The following LMLN variants were observed in gnomAD, a reference collection of about 807,000 sequenced individuals.
LMLN encodes leishmanolysin like peptidase.
LMLN carries 70 observed loss-of-function variants against 92.3 expected under a neutral mutation model. That is an observed-to-expected ratio of 0.76 (90% CI 0.63 to 0.92). The LOEUF (loss-of-function observed/expected upper bound fraction) is 0.92. Ranked by LOEUF, LMLN falls within the 40% of genes least tolerant of loss-of-function variation. The probability of loss-of-function intolerance (pLI) is 0.00; values close to 1 mark genes in which losing one functional copy is unlikely to be tolerated. For synonymous variants in LMLN, 308 were observed against 296.2 expected, an observed-to-expected ratio of 1.04 and a Z score of -0.41; for missense variants, 691 against 814.6, an observed-to-expected ratio of 0.85 and a Z score of 1.85.
chr3:198,010,588 C>G (rs1269742532), intron 11 of LMLN, among the ~76,000 whole-genome samples: 1 of 152,110 alleles, frequency 6.6e-6, no homozygotes, highest in East Asian at 1.9e-4. Flanking sequence ...GTAGCTGGGA[C>G]TACAGGCACA....
intron 11 of LMLN, among the ~76,000 whole-genome samples, chr3:198,012,660 T>C (rs1378940365): frequency 2.6e-3 from 341 of 131,876 alleles, no homozygotes; most frequent in East Asian, 7.4e-3. Context: ...CCCTTCAGAG[T>C]CCCCTAACTA....
At chr3:197,977,679 A>G (rs1721431506) in intron 5 of LMLN, among the ~76,000 whole-genome samples, 1 of 152,110 alleles carries the variant, frequency 6.6e-6, no homozygotes, top group Admixed American at 6.5e-5. Context: ...GGAAGTATAC[A>G]CACGTTAAAT....
At chr3:197,997,864 G>A (rs1722071901) in intron 10 of LMLN, among the ~76,000 whole-genome samples, 1 of 152,156 alleles carries the variant, frequency 6.6e-6, no homozygotes, top group African/African-American at 2.4e-5. Context: ...CTGTGTTAAT[G>A]AACACAGTTC....
In LMLN at chr3:198,042,281, A is replaced by G. The variant is rs1723427819; in HGVS notation, c.*3614A>G. 1 of 152,082 alleles carries G rather than the reference A, an allele frequency of 6.6e-6. No individual in the cohort carries two copies. The highest frequency in any genetic ancestry group is 1.5e-5 in the Non-Finnish European group (1 of 68,042). The allele number at this position is 152,082 out of a possible 1,614,324, so 9.4% of individuals were successfully genotyped here. On this transcript the variant is annotated 3_prime_UTR_variant, in exon 16 of 16. Transcript: ENST00000330198. The surrounding 1 kb of genome is among the most constrained non-coding windows in gnomAD (Gnocchi z 4.2). ...GGTGACTGAAGCCTGTAATCTCAGC[A>G]CTTCGGGAGGCCAAGGCAAGCAGAT... is the stretch of plus-strand genomic sequence containing the variant.
chr3:198,022,270 A>G (rs1167689311), intron 13 of LMLN, among the ~76,000 whole-genome samples: 1 of 152,230 alleles, frequency 6.6e-6, no homozygotes, highest in Non-Finnish European at 1.5e-5. Flanking sequence ...AAGATATCAA[A>G]GGAATAAACA....
At position 198,025,287 on chromosome 3, in the gene LMLN, G is replaced by T. The variant is rs201997098; in HGVS notation, c.1656+499G>T. ...CTGTCTCCAAAAAATAAAGGAAAAA[G>T]AATAAATCAGTTGCTGATTAATAAT... On this transcript the variant is annotated intron_variant, in intron 14 of 15. Coordinates refer to ENST00000330198, the Ensembl canonical transcript of LMLN. The surrounding 1 kb of genome is among the most constrained non-coding windows in gnomAD (Gnocchi z 4.3). Among the ~76,000 whole-genome samples, 2 of 152,216 alleles carry T rather than the reference G, an allele frequency of 1.3e-5. No homozygotes were observed. The highest frequency in any genetic ancestry group is 4.8e-5 in the African/African-American group (2 of 41,446).
chr3:197,997,017 TTTC>T (rs1169705817), intron 10 of LMLN, among the ~76,000 whole-genome samples: 1 of 119,986 alleles, frequency 8.3e-6, no homozygotes, highest in East Asian at 2.1e-4. Context: ...TTTCTTTTCC[TTTC>T]TTTTCTTTTC....
intron 11 of LMLN, among the ~76,000 whole-genome samples, chr3:198,014,195 T>C (rs1722545652): frequency 6.7e-6 from 1 of 149,128 alleles, no homozygotes; most frequent in African/African-American, 2.5e-5. Context: ...CTAGTCTGAC[T>C]TCTCTGTACC....
At chr3:198,036,697 T>G (rs1159735771) in intron 15 of LMLN, among the ~76,000 whole-genome samples, 2 of 152,170 alleles carry the variant, frequency 1.3e-5, no homozygotes, top group African/African-American at 4.8e-5. Flanking sequence ...GAAGAACGCC[T>G]TCCCCATGAA....
At chr3:197,981,866 G>A (rs1354464873) in intron 6 of LMLN, among the ~76,000 whole-genome samples, 12 of 150,514 alleles carry the variant, frequency 8.0e-5, no homozygotes, top group African/African-American at 4.9e-5. Context: ...GTGCAGTGGC[G>A]TGATCTTGGC....
At chr3:197,987,918 G>A (rs1440703819) in intron 8 of LMLN, among the ~76,000 whole-genome samples, 2 of 152,100 alleles carry the variant, frequency 1.3e-5, no homozygotes, top group Admixed American at 1.3e-4. Context: ...GGACTATAGT[G>A]AGGTTTTAGC....
intron 1 of LMLN, among the ~76,000 whole-genome samples, chr3:197,967,596 G>T (rs1038059162): frequency 4.6e-5 from 7 of 152,212 alleles, no homozygotes; most frequent in Non-Finnish European, 8.8e-5. Context: ...CTCCTGATAA[G>T]GGTCTGTGTT....
chr3:197,965,658 T>A (rs1721037726), intron 1 of LMLN, among the ~76,000 whole-genome samples: 1 of 152,230 alleles, frequency 6.6e-6, no homozygotes, highest in African/African-American at 2.4e-5. Context: ...CTCATGCCTA[T>A]AAGTCTAGCT....
At chr3:197,989,178 A>G (rs77961423) in intron 8 of LMLN, among the ~76,000 whole-genome samples, 9,829 of 152,270 alleles carry the variant, frequency 0.065, 373 homozygotes, top group African/African-American at 0.1. Flanking sequence ...AAGGCTGCCC[A>G]AAAGCTGGAG....
At chr3:198,024,319 CA>C (rs1722864312) in intron 13 of LMLN, among the ~76,000 whole-genome samples, 1 of 151,436 alleles carries the variant, frequency 6.6e-6, no homozygotes, top group Non-Finnish European at 1.5e-5. Context: ...GGGTTCACGC[CA>C]TTCTCCTGCC....
intron 6 of LMLN, among the ~76,000 whole-genome samples, chr3:197,982,467 C>A (rs1721587485): frequency 6.6e-6 from 1 of 152,078 alleles, no homozygotes; most frequent in South Asian, 2.1e-4. Flanking sequence ...CTCTGGTGAT[C>A]CACCTGCCTT....
chr3:198,006,713 TTGTC>T (rs1341075196), intron 11 of LMLN, among the ~76,000 whole-genome samples: 1 of 152,048 alleles, frequency 6.6e-6, no homozygotes, highest in Non-Finnish European at 1.5e-5. Flanking sequence ...AATTGTCTCT[TTGTC>T]TTTTTTTTTT....
chr3:197,996,154 G>T, intron 9 of LMLN, 21 bp from the exon 10 acceptor site: 2 of 1,436,578 alleles, frequency 1.4e-6, no homozygotes, highest in South Asian at 2.7e-5. Context: ...ATTTGTTTCT[G>T]ATTTTTTTTC....
At chr3:198,020,768 A>ATTTTTTT (rs71166715) in intron 12 of LMLN, among the ~76,000 whole-genome samples, 495 of 32,880 alleles carry the variant, frequency 0.015, 62 homozygotes, top group Non-Finnish European at 0.018. Flanking sequence ...TAATTTTTGT[A>ATTTTTTT]TTTTTTTTTT....
Sources: allele counts gnomAD v4.1 joint callset (sites outside exome capture counted in the v4.1 genomes callset), GRCh38; gene constraint gnomAD v4.1.1; non-coding constraint Gnocchi (gnomAD v3.1); transcripts MANE v1.5; gene names NCBI Gene and HGNC (gene_info 2026-07-23, HGNC 2026-07-21).